Variants in MYO5A observed in about 807,000 individuals in gnomAD.
MYO5A encodes myosin VA, also known as unconventional myosin-Va.
In MYO5A, 98 loss-of-function variants were observed where a neutral mutation model predicts 249.7. The observed-to-expected ratio is 0.39, with a 90% CI of 0.33 to 0.46. MYO5A has a LOEUF of 0.46. Among genes scored for constraint, MYO5A ranks in the 20% least tolerant of loss-of-function variants. The pLI is 0.98. For synonymous variants in MYO5A, 778 were observed against 810.6 expected, an observed-to-expected ratio of 0.96 and a Z score of 0.68; for missense variants, 1,696 against 2,308.8, an observed-to-expected ratio of 0.73 and a Z score of 5.44.
intron 1 of MYO5A, among the ~76,000 whole-genome samples, chr15:52,455,966 C>G (rs1416572260): frequency 6.6e-6 from 1 of 151,960 alleles, no homozygotes; most frequent in Non-Finnish European, 1.5e-5. Context: ...CTCACCAGAG[C>G]AATCAGATAA....
At chr15:52,464,155 A>G (rs761867942) in intron 1 of MYO5A, among the ~76,000 whole-genome samples, 1 of 152,196 alleles carries the variant, frequency 6.6e-6, no homozygotes, top group African/African-American at 2.4e-5. Context: ...ACCACTACAC[A>G]GTTTTGTCGC....
At chr15:52,318,965 T>A (rs1184252599) in intron 39 of MYO5A, 95 bp downstream of exon 39, 2 of 1,464,400 alleles carry the variant, frequency 1.4e-6, no homozygotes, top group African/African-American at 2.8e-5. Flanking sequence ...AGACATGAGA[T>A]GCAAGAACTG....
At chr15:52,363,002 G>A (rs1231066440) in intron 24 of MYO5A, among the ~76,000 whole-genome samples, 2 of 152,156 alleles carry the variant, frequency 1.3e-5, no homozygotes, top group African/African-American at 4.8e-5. Context: ...GTTTAACCTA[G>A]TAGATTACCA....
Position 52,330,439 on chromosome 15 carries a change from T to C in MYO5A, c.4469A>G (p.Asn1490Ser), listed in dbSNP as rs550131177. 1.9e-6 allele frequency: 3 copies of C among 1,614,138 alleles called. No individual in the cohort carries two copies. The highest frequency in any genetic ancestry group is 3.3e-5 in the Admixed American group (2 of 60,016). The stretch of plus-strand genomic sequence containing the variant: ...GAAATCCTTTTCTTTCCTGGGAATG[T>C]TGACTGGTCGGATGGGTTCATCAAT... ...QIIDEPIRPV[N>S]IPRKEKDFQG... The change falls in exon 35 of 42, where the codon AAC becomes AGC. Residue 1490 changes from asparagine (N) to serine (S), a missense_variant. Coordinates refer to ENST00000399233, the MANE Select transcript of MYO5A (RefSeq NM_001382347.1).
At chr15:52,464,231 A>G (rs2076309873) in intron 1 of MYO5A, among the ~76,000 whole-genome samples, 1 of 152,156 alleles carries the variant, frequency 6.6e-6, no homozygotes, top group East Asian at 1.9e-4. Flanking sequence ...TTCCTTTACT[A>G]TACTCTACGA....
At chr15:52,503,592 T>C (rs981821759) in intron 1 of MYO5A, among the ~76,000 whole-genome samples, 9 of 81,786 alleles carry the variant, frequency 1.1e-4, no homozygotes, top group Admixed American at 4.6e-4. Context: ...GATTGTGCCA[T>C]TGCACACCAG....
At chr15:52,315,485 C>T (rs1394633978) in intron 40 of MYO5A, among the ~76,000 whole-genome samples, 1 of 152,076 alleles carries the variant, frequency 6.6e-6, no homozygotes, top group Non-Finnish European at 1.5e-5. Flanking sequence ...AGTCATTCTC[C>T]TGCCTCAGCC....
chr15:52,419,850 T>C (rs1449164903), intron 4 of MYO5A, among the ~76,000 whole-genome samples: 1 of 152,250 alleles, frequency 6.6e-6, no homozygotes, highest in African/African-American at 2.4e-5. Context: ...ACTCTAGTTC[T>C]CTAATATATA....
At chr15:52,369,037 A>G (rs1001924173) in intron 22 of MYO5A, among the ~76,000 whole-genome samples, 2 of 152,222 alleles carry the variant, frequency 1.3e-5, no homozygotes, top group African/African-American at 4.8e-5. Context: ...AGCTTGCTGT[A>G]TCAAAACAAC....
In MYO5A at chr15:52,310,578, T is replaced by C. The variant is rs1413227698; in HGVS notation, c.*3118A>G. 6.6e-6 allele frequency: 1 copy of C among 152,244 alleles called. No homozygotes were observed. Among genetic ancestry groups the C allele is most frequent in the East Asian group, 1.9e-4 (1 of 5,194 alleles). The allele number at this position is 152,244 out of a possible 1,614,324, so 9.4% of individuals were successfully genotyped here. On this transcript the variant is annotated 3_prime_UTR_variant, in exon 42 of 42. Transcript: ENST00000399233. ...AGAACAACAAGGACTGTGCAAAGATTGGGCTGATGGTAAGCACCAGGAAGG... is the reference window on the plus strand; with the variant it reads ...AGAACAACAAGGACTGTGCAAAGATCGGGCTGATGGTAAGCACCAGGAAGG...
intron 1 of MYO5A, among the ~76,000 whole-genome samples, chr15:52,463,241 G>A (rs1176633544): frequency 3.3e-5 from 5 of 152,124 alleles, no homozygotes; most frequent in Non-Finnish European, 7.4e-5. Flanking sequence ...ATGTCAAGCC[G>A]GCATCCTGGC....
chr15:52,360,189 T>C (rs776091771), intron 24 of MYO5A, 108 bp from the exon 25 acceptor site: 31 of 757,906 alleles, frequency 4.1e-5, no homozygotes, highest in Non-Finnish European at 6.5e-5. Flanking sequence ...CTGACTTGTA[T>C]TGGTGCCCAA....
intron 1 of MYO5A, among the ~76,000 whole-genome samples, chr15:52,476,024 T>C (rs2076583429): frequency 6.6e-6 from 1 of 152,218 alleles, no homozygotes. Context: ...TGTGGGAGTC[T>C]AAGTCTCTTT....
In MYO5A at chr15:52,429,316, A is replaced by C. The variant is rs186885147; in HGVS notation, c.139-747T>G. On this transcript the variant is annotated intron_variant, in intron 2 of 41. Coordinates refer to ENST00000399233, the MANE Select transcript of MYO5A (RefSeq NM_001382347.1). ...CACCTGTAATCCCAGTACTTTGGGA[A>C]GCCAAGGCGGGCGGATTACCTGAGG... is the stretch of plus-strand genomic sequence containing the variant. 8.5e-5 allele frequency among the ~76,000 whole-genome samples: 13 copies of C among 152,288 alleles called. No homozygotes were observed. In the East Asian group the frequency reaches 2.5e-3, roughly 29 times the overall value.
At chr15:52,354,052 CAGA>C (rs2040084054) in intron 25 of MYO5A, 38 bp from the exon 26 acceptor site, 1 of 1,612,010 alleles carries the variant, frequency 6.2e-7, no homozygotes. Context: ...CAAGACAAGC[CAGA>C]AGACATAAAA....
Position 52,410,451 on chromosome 15 carries a change from C to A in MYO5A, c.638G>T (p.Arg213Met). 1 of 1,613,636 alleles carries A rather than the reference C, an allele frequency of 6.2e-7. No individual in the cohort carries two copies. The highest frequency in any genetic ancestry group is 1.1e-5 in the South Asian group (1 of 91,068). ...MESIGNAKTT[R>M]NDNSSRFGKY... ...CCCAAAACGGCTGCTATTATCATTC[C>A]TGGTTGTTTTAGCATTTCCAATGGA... is the stretch of plus-strand genomic sequence containing the variant. The change falls in exon 6 of 42, where the codon AGG becomes ATG. Residue 213 changes from arginine (R) to methionine (M), a missense_variant. By Grantham distance (91) the Arg-to-Met change is moderately conservative. This residue lies in a region of MYO5A where 197 missense variants were observed against 320.3 expected (regional missense o/e 0.62). Coordinates refer to ENST00000399233, the MANE Select transcript of MYO5A (RefSeq NM_001382347.1).
chr15:52,405,758 C>T (rs1470671527), intron 8 of MYO5A, among the ~76,000 whole-genome samples: 3 of 152,176 alleles, frequency 2.0e-5, no homozygotes, highest in African/African-American at 7.2e-5. Context: ...ATTAAATGCA[C>T]ATAGCATACT....
At chr15:52,454,748 T>C (rs1041571966) in intron 1 of MYO5A, among the ~76,000 whole-genome samples, 3 of 152,060 alleles carry the variant, frequency 2.0e-5, no homozygotes, top group African/African-American at 7.2e-5. Context: ...AAAATTAAGA[T>C]GGAAATTTAA....
chr15:52,421,826 G>C (rs1300405727), intron 4 of MYO5A, among the ~76,000 whole-genome samples: 1 of 152,154 alleles, frequency 6.6e-6, no homozygotes, highest in African/African-American at 2.4e-5. Context: ...GGGAGACCAG[G>C]AGATTTGAGC....
Sources: gnomAD v4.1 joint callset for allele counts (sites outside exome capture counted in the v4.1 genomes callset) on GRCh38, gnomAD v4.1.1 for gene constraint, gnomAD v4.1.1 regional missense constraint, MANE v1.5 for transcripts, NCBI Gene and HGNC (gene_info 2026-07-23, HGNC 2026-07-21) for gene names.